PPP2R2B: variants seen among roughly 807,000 people sequenced by gnomAD.
PPP2R2B encodes serine/threonine-protein phosphatase 2A 55 kDa regulatory subunit B beta isoform.
In PPP2R2B, 5 loss-of-function variants were observed where a neutral mutation model predicts 46.0. The observed-to-expected ratio is 0.11, with a 90% CI of 0.06 to 0.23. The LOEUF (loss-of-function observed/expected upper bound fraction) is 0.23. PPP2R2B is among the 10% of genes least tolerant of loss of function. PPP2R2B has a pLI of 1.00. For missense variants in PPP2R2B, 367 were observed against 575.0 expected (o/e 0.64, Z 3.70); for synonymous variants, 215 against 206.7 (o/e 1.04, Z -0.34).
intron 2 of PPP2R2B, among the ~76,000 whole-genome samples, chr5:146,790,412 A>G (rs766654645): frequency 6.6e-6 from 1 of 152,204 alleles, no homozygotes; most frequent in Non-Finnish European, 1.5e-5. Flanking sequence ...TGATTTTCAC[A>G]CTTCATTAGC....
At chr5:147,043,416 G>A (rs754946896) in intron 1 of PPP2R2B, among the ~76,000 whole-genome samples, 3 of 152,174 alleles carry the variant, frequency 2.0e-5, no homozygotes, top group East Asian at 1.9e-4. Context: ...AAAAGACCAC[G>A]TGAGGACTCA....
chr5:147,073,633 T>G (rs1757669150), intron 2 of PPP2R2B, among the ~76,000 whole-genome samples: 1 of 152,220 alleles, frequency 6.6e-6, no homozygotes, highest in Non-Finnish European at 1.5e-5. Flanking sequence ...TTCCTTTAAA[T>G]GCACTCAAAA....
intron 1 of PPP2R2B, among the ~76,000 whole-genome samples, chr5:146,980,844 G>A (rs568507394): frequency 1.3e-5 from 2 of 152,208 alleles, no homozygotes; most frequent in South Asian, 4.1e-4. Context: ...CATGACACTA[G>A]TTAATTGCAT....
In PPP2R2B at chr5:146,585,267, C is replaced by CACACACAT. The variant is rs772637545; in HGVS notation, c.*4679_*4680insATGTGTGT. The CACACACAT allele has an allele frequency of 0.039, 5,740 of 148,158 alleles. 183 individuals are homozygous for CACACACAT. Among genetic ancestry groups the CACACACAT allele is most frequent in the African/African-American group, 0.086 (3,328 of 38,828 alleles). The allele number at this position is 148,158 out of a possible 1,614,324, so 9.2% of individuals were successfully genotyped here. Reference sequence around the variant, plus strand: ...ACTTCCATCTACATGCATACACACACACACACACACACACACACACACACA... The same window carrying CACACACAT: ...ACTTCCATCTACATGCATACACACACACACACATACACACACACACACACACACACACA... On this transcript the variant is annotated 3_prime_UTR_variant, in exon 10 of 10. Coordinates refer to ENST00000394411, the MANE Select transcript of PPP2R2B (RefSeq NM_181675.4).
intron 2 of PPP2R2B, among the ~76,000 whole-genome samples, chr5:146,730,099 C>G (rs1393751809): frequency 6.6e-6 from 1 of 152,174 alleles, no homozygotes; most frequent in Non-Finnish European, 1.5e-5. Flanking sequence ...AGGGGCAGAG[C>G]TGCCTAAGAC....
chr5:146,977,771 A>G (rs1472524815), intron 1 of PPP2R2B, among the ~76,000 whole-genome samples: 2 of 152,030 alleles, frequency 1.3e-5, no homozygotes. Context: ...TATCCAGTCT[A>G]CTGTTGATGG....
chr5:146,608,566 G>A (rs1402270823), intron 7 of PPP2R2B, among the ~76,000 whole-genome samples: 2 of 152,148 alleles, frequency 1.3e-5, no homozygotes, highest in Non-Finnish European at 2.9e-5. Context: ...GGAGGCCGAG[G>A]CAGGTAGATC....
chr5:146,726,026 A>T (rs1449231575), intron 2 of PPP2R2B, among the ~76,000 whole-genome samples: 1 of 152,170 alleles, frequency 6.6e-6, no homozygotes, highest in African/African-American at 2.4e-5. Flanking sequence ...CATTATAAAT[A>T]CTCAAATCTT....
At chr5:147,012,026 G>A (rs1754760372) in intron 1 of PPP2R2B, among the ~76,000 whole-genome samples, 1 of 149,734 alleles carries the variant, frequency 6.7e-6, no homozygotes, top group Admixed American at 6.7e-5. Flanking sequence ...CAAGGATAGT[G>A]GTCTAAAATT....
chr5:146,981,309 A>C (rs759534042), intron 1 of PPP2R2B, among the ~76,000 whole-genome samples: 2 of 152,164 alleles, frequency 1.3e-5, no homozygotes, highest in African/African-American at 2.4e-5. Flanking sequence ...TAGTCCTCAC[A>C]ACTAGAAGTT....
chr5:146,865,208 G>A (rs1046553197), intron 2 of PPP2R2B, among the ~76,000 whole-genome samples: 2 of 151,804 alleles, frequency 1.3e-5, no homozygotes, highest in Non-Finnish European at 2.9e-5. Flanking sequence ...TTGTGTCTGG[G>A]GCAAAAGCAA....
At chr5:146,662,974 A>T (rs457559) in intron 5 of PPP2R2B, among the ~76,000 whole-genome samples, 115,458 of 152,092 alleles carry the variant, frequency 0.76, 45,243 homozygotes, top group Non-Finnish European at 0.86. Context: ...TAAGATTTTT[A>T]AAATCTTTAA....
At chr5:146,716,499 C>T (rs1311324375) in intron 2 of PPP2R2B, among the ~76,000 whole-genome samples, 1 of 152,138 alleles carries the variant, frequency 6.6e-6, no homozygotes, top group Non-Finnish European at 1.5e-5. Context: ...TAGGAGATCT[C>T]GGACATCTTT....
At chr5:146,893,982 A>G (rs570390002) in intron 1 of PPP2R2B, among the ~76,000 whole-genome samples, 1 of 151,588 alleles carries the variant, frequency 6.6e-6, no homozygotes, top group Admixed American at 6.6e-5. Flanking sequence ...GGAGGCGGAG[A>G]TTGCAGTTAG....
At chr5:146,705,423 A>G (rs1478581095) in intron 2 of PPP2R2B, among the ~76,000 whole-genome samples, 2 of 152,098 alleles carry the variant, frequency 1.3e-5, no homozygotes, top group East Asian at 3.8e-4. Flanking sequence ...CTGGGGTGCC[A>G]TGATTAATGG....
At position 146,901,775 on chromosome 5, in the gene PPP2R2B, T is replaced by G. The variant is rs1377161668; in HGVS notation, c.79+153890A>C. Among the ~76,000 whole-genome samples the G allele has an allele frequency of 2.0e-5, 3 of 152,020 alleles. No homozygotes were observed. The East Asian group carries it at 5.8e-4, about 29-fold the overall frequency. ...AAAATACTTTCCATTGAGGTAACAA[T>G]TCAGTCGATTCAAATAATCCAGTTA... On this transcript the variant is annotated intron_variant, in intron 1 of 8. Coordinates refer to the PPP2R2B transcript ENST00000336640.
intron 1 of PPP2R2B, among the ~76,000 whole-genome samples, chr5:146,884,089 G>GTTTTTTTTTT (rs372611320): frequency 9.6e-6 from 1 of 104,692 alleles, no homozygotes; most frequent in Admixed American, 1.0e-4. Context: ...TAAATTCAGG[G>GTTTTTTTTTT]TTTTTTTTTT....
intron 1 of PPP2R2B, among the ~76,000 whole-genome samples, chr5:146,962,658 A>C (rs1752225001): frequency 6.6e-6 from 1 of 152,132 alleles, no homozygotes; most frequent in Non-Finnish European, 1.5e-5. Context: ...AATAAAAAAA[A>C]AACAACCTTA....
At chr5:146,668,399 C>A (rs552787209) in intron 5 of PPP2R2B, among the ~76,000 whole-genome samples, 33 of 152,224 alleles carry the variant, frequency 2.2e-4, no homozygotes, top group African/African-American at 7.7e-4. Flanking sequence ...AGGCAATGAA[C>A]CCATTTATGT....
Sources: gnomAD v4.1 joint callset for allele counts (sites outside exome capture counted in the v4.1 genomes callset) on GRCh38, gnomAD v4.1.1 for gene constraint, MANE v1.5 for transcripts, NCBI Gene and HGNC (gene_info 2026-07-23, HGNC 2026-07-21) for gene names.